GPC5: variants seen among roughly 807,000 people sequenced by gnomAD.
The protein encoded by GPC5 is glypican 5, also known as glypican-5.
In GPC5, 47 loss-of-function variants were observed where a neutral mutation model predicts 53.9. The observed-to-expected ratio is 0.87, with a 90% CI of 0.69 to 1.11. The LOEUF is 1.11. Among genes scored for constraint, GPC5 ranks in the 50% most tolerant of loss-of-function variants. The pLI, the probability that GPC5 is intolerant of heterozygous loss-of-function variation, is 0.00. For missense variants in GPC5, 748 were observed against 713.1 expected (o/e 1.05, Z -0.56); for synonymous variants, 286 against 263.3 (o/e 1.09, Z -0.84).
intron 1 of GPC5, among the ~76,000 whole-genome samples, chr13:91,439,119 T>C (rs1374696047): frequency 6.6e-6 from 1 of 152,226 alleles, no homozygotes; most frequent in Non-Finnish European, 1.5e-5. Flanking sequence ...AAGGCTTCCT[T>C]CTCTGTTCCA....
intron 2 of GPC5, among the ~76,000 whole-genome samples, chr13:91,649,947 T>G (rs1488374179): frequency 6.6e-6 from 1 of 152,206 alleles, no homozygotes; most frequent in Admixed American, 6.5e-5. Flanking sequence ...GAAATAATTG[T>G]AGACTCACAG....
At chr13:91,971,952 G>T (rs1236963280) in intron 6 of GPC5, among the ~76,000 whole-genome samples, 1 of 152,128 alleles carries the variant, frequency 6.6e-6, no homozygotes, top group South Asian at 2.1e-4. Flanking sequence ...GTTGATTTGG[G>T]GTGGAGAGTT....
intron 2 of GPC5, among the ~76,000 whole-genome samples, chr13:91,667,853 A>G (rs1485295268): frequency 6.6e-6 from 1 of 152,070 alleles, no homozygotes; most frequent in Non-Finnish European, 1.5e-5. Flanking sequence ...TGCCTAGAGA[A>G]CTAGGCAATC....
At chr13:92,508,938 G>T (rs973158233) in intron 7 of GPC5, among the ~76,000 whole-genome samples, 1 of 152,168 alleles carries the variant, frequency 6.6e-6, no homozygotes. Flanking sequence ...GAAGGACTGG[G>T]CGCCTACTCT....
At chr13:91,761,563 C>G (rs1297633124) in intron 5 of GPC5, among the ~76,000 whole-genome samples, 3 of 152,142 alleles carry the variant, frequency 2.0e-5, no homozygotes, top group African/African-American at 7.2e-5. Context: ...ACAACCCCCT[C>G]TTTGGGTTCA....
At chr13:92,432,783 G>A (rs1385036190) in intron 7 of GPC5, among the ~76,000 whole-genome samples, 11 of 152,046 alleles carry the variant, frequency 7.2e-5, no homozygotes, top group Admixed American at 6.6e-4. Context: ...GAGTTTGGTT[G>A]AATATAAGAT....
chr13:91,563,314 T>A (rs1594258483), intron 2 of GPC5, among the ~76,000 whole-genome samples: 1 of 152,262 alleles, frequency 6.6e-6, no homozygotes, highest in African/African-American at 2.4e-5. Context: ...TAATTAATGT[T>A]CAAACATATA....
At chr13:92,586,588 C>T (rs1245525019) in intron 7 of GPC5, among the ~76,000 whole-genome samples, 2 of 152,126 alleles carry the variant, frequency 1.3e-5, no homozygotes, top group Admixed American at 6.5e-5. Flanking sequence ...TCAACAAAGA[C>T]GACTGAAGAA....
chr13:92,300,681 A>T (rs1030042895), intron 7 of GPC5, among the ~76,000 whole-genome samples: 4 of 152,202 alleles, frequency 2.6e-5, no homozygotes, highest in Non-Finnish European at 4.4e-5. Flanking sequence ...GTAATGAGGA[A>T]ATGAAACATG....
chr13:91,451,043 G>A (rs1010269951), intron 2 of GPC5, among the ~76,000 whole-genome samples: 148 of 152,168 alleles, frequency 9.7e-4, no homozygotes, highest in African/African-American at 3.5e-3. Flanking sequence ...TAAGTAAAAT[G>A]CCCTCCATCT....
intron 6 of GPC5, among the ~76,000 whole-genome samples, chr13:91,922,674 A>T (rs907628892): frequency 4.6e-5 from 7 of 151,178 alleles, no homozygotes; most frequent in Admixed American, 1.3e-4. Context: ...CTCTAGAGAT[A>T]AAAAAAACAA....
intron 2 of GPC5, among the ~76,000 whole-genome samples, chr13:91,690,748 G>C (rs1481839298): frequency 6.6e-6 from 1 of 152,072 alleles, no homozygotes; most frequent in Non-Finnish European, 1.5e-5. Context: ...AAATCTGATG[G>C]AACATCAGTA....
At chr13:91,689,188 T>TATAA in intron 2 of GPC5, among the ~76,000 whole-genome samples, 1 of 45,186 alleles carries the variant, frequency 2.2e-5, no homozygotes, top group East Asian at 5.8e-4. Context: ...TATATAAATA[T>TATAA]ATATATATAT....
intron 7 of GPC5, among the ~76,000 whole-genome samples, chr13:92,233,865 G>A (rs1437701669): frequency 2.6e-5 from 4 of 151,150 alleles, no homozygotes; most frequent in African/African-American, 9.7e-5. Flanking sequence ...GTGTCCATGT[G>A]TTCTCATTGT....
chr13:92,600,663 ATTT>A (rs112159074), intron 7 of GPC5, among the ~76,000 whole-genome samples: 1 of 139,220 alleles, frequency 7.2e-6, no homozygotes, highest in Non-Finnish European at 1.5e-5. Context: ...ACACCCAGCT[ATTT>A]TTTTTTTTTT....
chr13:92,315,150 A>C (rs1566534799), intron 7 of GPC5, among the ~76,000 whole-genome samples: 1 of 152,204 alleles, frequency 6.6e-6, no homozygotes, highest in Non-Finnish European at 1.5e-5. Context: ...TTTAATAAAA[A>C]GTCATTAACT....
chr13:92,432,769 T>A (rs1877149803), intron 7 of GPC5, among the ~76,000 whole-genome samples: 1 of 152,176 alleles, frequency 6.6e-6, no homozygotes, highest in South Asian at 2.1e-4. Context: ...TGAGGAAACA[T>A]CAAGAGTTTG....
chr13:92,106,756 G>A (rs959443790), intron 6 of GPC5, among the ~76,000 whole-genome samples: 5 of 151,960 alleles, frequency 3.3e-5, no homozygotes, highest in Non-Finnish European at 5.9e-5. Context: ...TCGCTCTATG[G>A]ATACGCCAAA....
intron 7 of GPC5, among the ~76,000 whole-genome samples, chr13:92,405,552 T>C (rs1196288472): frequency 1.3e-5 from 2 of 152,206 alleles, no homozygotes; most frequent in Admixed American, 6.5e-5. Context: ...AACATGAACA[T>C]TGAGTCTGCA....
Sources: allele counts gnomAD v4.1 joint callset (sites outside exome capture counted in the v4.1 genomes callset), GRCh38; gene constraint gnomAD v4.1.1; transcripts MANE v1.5; gene names NCBI Gene and HGNC (gene_info 2026-07-23, HGNC 2026-07-21).